Variants in DIAPH3 observed in about 807,000 individuals in gnomAD.
DIAPH3 encodes protein diaphanous homolog 3.
In DIAPH3, 117 loss-of-function variants were observed where a neutral mutation model predicts 144.3. The observed-to-expected ratio is 0.81, with a 90% CI of 0.70 to 0.95. DIAPH3 has a LOEUF of 0.95. DIAPH3 is among the 40% of genes least tolerant of loss of function. The pLI is 0.00. For missense variants in DIAPH3, 1,421 were observed against 1,412.7 expected, an observed-to-expected ratio of 1.01 and a Z score of -0.09; for synonymous variants, 519 against 488.9, an observed-to-expected ratio of 1.06 and a Z score of -0.81.
chr13:60,041,353 G>T (rs144699113), intron 5 of DIAPH3, among the ~76,000 whole-genome samples: 110 of 152,246 alleles, frequency 7.2e-4, no homozygotes, highest in African/African-American at 2.5e-3. Context: ...CTGGTAACGC[G>T]AGGTAAATTA....
chr13:59,928,024 A>T (rs1046402155), intron 17 of DIAPH3, among the ~76,000 whole-genome samples: 1 of 152,082 alleles, frequency 6.6e-6, no homozygotes, highest in Non-Finnish European at 1.5e-5. Context: ...AAACACAAAT[A>T]TATATTTGCT....
At chr13:59,783,970 C>T (rs17057322) in intron 25 of DIAPH3, among the ~76,000 whole-genome samples, 5,658 of 152,252 alleles carry the variant, frequency 0.037, 133 homozygotes, top group Middle Eastern at 0.061. Context: ...CTATTATCAA[C>T]CTGTGACCAT....
chr13:59,734,242 G>GATAC (rs2036028181), intron 27 of DIAPH3, among the ~76,000 whole-genome samples: 1 of 152,038 alleles, frequency 6.6e-6, no homozygotes, highest in Non-Finnish European at 1.5e-5. Flanking sequence ...TAGTAGGAAT[G>GATAC]ATACATAATA....
intron 18 of DIAPH3, among the ~76,000 whole-genome samples, chr13:59,924,112 G>A (rs572162254): frequency 2.8e-4 from 42 of 152,244 alleles, no homozygotes; most frequent in African/African-American, 9.9e-4. Context: ...ACAGACCATA[G>A]TATATCATCT....
intron 27 of DIAPH3, among the ~76,000 whole-genome samples, chr13:59,680,932 C>T (rs2032908069): frequency 6.6e-6 from 1 of 152,074 alleles, no homozygotes; most frequent in Non-Finnish European, 1.5e-5. Flanking sequence ...TGGAGTAGAA[C>T]ACGGAAGCAA....
chr13:59,867,401 A>G (rs992475161), intron 21 of DIAPH3, among the ~76,000 whole-genome samples: 1 of 151,996 alleles, frequency 6.6e-6, no homozygotes, highest in Non-Finnish European at 1.5e-5. Flanking sequence ...AAAGATAGAA[A>G]CCAATTGATA....
chr13:60,112,571 GC>G (rs1444111762), intron 2 of DIAPH3, among the ~76,000 whole-genome samples: 3 of 152,194 alleles, frequency 2.0e-5, no homozygotes, highest in East Asian at 3.9e-4. Flanking sequence ...CCCCCTCCTG[GC>G]CCCTCTGCCT....
At chr13:59,846,450 T>C (rs2042636963) in intron 22 of DIAPH3, among the ~76,000 whole-genome samples, 1 of 152,162 alleles carries the variant, frequency 6.6e-6, no homozygotes, top group Non-Finnish European at 1.5e-5. Flanking sequence ...GAATCAATTG[T>C]TTCATGTGCA....
intron 2 of DIAPH3, among the ~76,000 whole-genome samples, chr13:60,128,502 C>A (rs956484926): frequency 6.6e-6 from 1 of 152,230 alleles, no homozygotes; most frequent in Non-Finnish European, 1.5e-5. Flanking sequence ...TATAAATGCA[C>A]GGTTTACCAA....
At chr13:60,095,445 A>C (rs2058078683) in intron 3 of DIAPH3, among the ~76,000 whole-genome samples, 1 of 152,044 alleles carries the variant, frequency 6.6e-6, no homozygotes, top group African/African-American at 2.4e-5. Context: ...GGTCAATGTA[A>C]ATTAAGGGGT....
At chr13:59,952,670 AAG>A (rs1261926687) in intron 17 of DIAPH3, among the ~76,000 whole-genome samples, 1 of 152,206 alleles carries the variant, frequency 6.6e-6, no homozygotes, top group East Asian at 1.9e-4. Flanking sequence ...CCTAATTTAC[AAG>A]AGTCTGCTAT....
intron 27 of DIAPH3, among the ~76,000 whole-genome samples, chr13:59,714,618 C>A (rs1363444695): frequency 6.6e-6 from 1 of 151,742 alleles, no homozygotes; most frequent in Non-Finnish European, 1.5e-5. Context: ...TTTTGTCCCC[C>A]CTTCCTCTAA....
At chr13:59,912,929 C>G (rs1385594661) in intron 19 of DIAPH3, among the ~76,000 whole-genome samples, 1 of 149,836 alleles carries the variant, frequency 6.7e-6, no homozygotes, top group Non-Finnish European at 1.5e-5. Context: ...AAAAACAAAA[C>G]AAAAAAAAAG....
chr13:59,792,346 T>C lies in DIAPH3; in HGVS notation c.3164-17523A>G, dbSNP rs533038637. Among the ~76,000 whole-genome samples the C allele has an allele frequency of 2.4e-3, 369 of 152,300 alleles. 1 individual carries two copies. The highest frequency in any genetic ancestry group is 3.6e-3 in the Non-Finnish European group (243 of 68,024). ...GTTACACTGCTGCCATCCCTCTGGG[T>C]CACTGTCATCTAATCACGCACAAGT... On this transcript the variant is annotated intron_variant, in intron 25 of 27. Coordinates refer to ENST00000400324, the MANE Select transcript of DIAPH3 (RefSeq NM_001042517.2).
chr13:59,853,967 T>C (rs1040334443), intron 22 of DIAPH3, among the ~76,000 whole-genome samples: 1 of 152,052 alleles, frequency 6.6e-6, no homozygotes, highest in African/African-American at 2.4e-5. Context: ...CCCCCAAAAA[T>C]GCATATCCAC....
In DIAPH3 at chr13:59,974,375, C is replaced by G; in HGVS notation, c.1627G>C (p.Glu543Gln). 5.6e-6 allele frequency: 9 copies of G among 1,612,394 alleles called. No individual in the cohort carries two copies. The highest frequency in any genetic ancestry group is 7.6e-6 in the Non-Finnish European group (9 of 1,179,452). Residue 543 changes from glutamate to glutamine, a missense_variant, in exon 15 of 28, where the codon GAG (glutamate) becomes CAG (glutamine). Coordinates refer to ENST00000400324, the MANE Select transcript of DIAPH3 (RefSeq NM_001042517.2). Reference protein sequence around the residue: ...KEAKINELQAELQAFKSQFGA... With the variant: ...KEAKINELQAQLQAFKSQFGA... ...ACCTGAGACTTAAAAGCTTGTAGCT[C>G]TGCTTGAAGCTCATTAATCTTTGCC...
chr13:60,112,321 A>G, intron 2 of DIAPH3, 135 bp from the exon 3 acceptor site: 1 of 1,010,750 alleles, frequency 9.9e-7, no homozygotes. Context: ...CAGCATTGGA[A>G]TATTTAAAAT....
chr13:60,113,557 T>C (rs1446172679), intron 2 of DIAPH3, among the ~76,000 whole-genome samples: 3 of 152,192 alleles, frequency 2.0e-5, no homozygotes, highest in African/African-American at 7.2e-5. Flanking sequence ...ATACGACAGC[T>C]TTCTGTAGGA....
intron 20 of DIAPH3, among the ~76,000 whole-genome samples, chr13:59,887,335 T>C (rs991194537): frequency 6.6e-6 from 1 of 152,080 alleles, no homozygotes; most frequent in African/African-American, 2.4e-5. Flanking sequence ...TTTGCATCTA[T>C]GTTCATATAT....
Sources: gnomAD v4.1 joint callset for allele counts (sites outside exome capture counted in the v4.1 genomes callset) on GRCh38, gnomAD v4.1.1 for gene constraint, MANE v1.5 for transcripts, NCBI Gene and HGNC (gene_info 2026-07-23, HGNC 2026-07-21) for gene names.